POLD2: variants seen among roughly 807,000 people sequenced by gnomAD.
The protein encoded by POLD2 is DNA polymerase delta 2, accessory subunit.
A neutral mutation model predicts 48.8 loss-of-function variants in POLD2; 31 were observed. That is an observed-to-expected ratio of 0.64 (90% CI 0.48 to 0.86). The LOEUF (loss-of-function observed/expected upper bound fraction) is 0.86. Among genes scored for constraint, POLD2 ranks in the 40% least tolerant of loss-of-function variants. POLD2 has a pLI of 0.00. For synonymous variants in POLD2, 233 were observed against 256.3 expected, an observed-to-expected ratio of 0.91 and a Z score of 0.87; for missense variants, 455 against 610.1, an observed-to-expected ratio of 0.75 and a Z score of 2.68.
Position 44,116,683 on chromosome 7 carries a change from C to G in POLD2, c.780+134G>C. ...ATGAGGAGCCCCATTGCAGGAGGCC[C>G]CAGAGTCACTGCAGGGCGCTTCCCA... On this transcript the variant is annotated intron_variant, in intron 6 of 10. Transcript: ENST00000610533. The surrounding 1 kb of genome is among the most constrained non-coding windows in gnomAD (Gnocchi z 6.1). 1 of 1,062,274 alleles carries G rather than the reference C, an allele frequency of 9.4e-7. No homozygotes were observed. Among genetic ancestry groups the G allele is most frequent in the South Asian group, 1.5e-5 (1 of 68,298 alleles). The allele number at this position is 1,062,274 out of a possible 1,614,324, so 65.8% of individuals were successfully genotyped here.
rs376080178 is a variant in POLD2 at position 44,114,867 on chromosome 7, C to T, written c.1328G>A (p.Arg443His). ...ATQTACLVNL[R>H]SLACQPISFS... is the part of the protein sequence containing the mutation. ...GCTGATGGGCTGGCAGGCCAGGCTG[C>T]GCAGGTTCACAAGGCAGGCGGTCTG... Residue 443 changes from arginine to histidine, a missense_variant, in exon 11 of 11, where the codon CGC becomes CAC. Coordinates refer to ENST00000610533, the MANE Select transcript of POLD2 (RefSeq NM_006230.4). 4.8e-5 allele frequency: 77 copies of T among 1,613,692 alleles called. 1 individual carries two copies. The highest frequency in any genetic ancestry group is 1.3e-4 in the South Asian group (12 of 91,060).
Position 44,123,536 on chromosome 7 carries a change from TC to T in POLD2, c.-83del. On this transcript the variant is annotated 5_prime_UTR_variant, in exon 1 of 11. Coordinates refer to ENST00000610533, the MANE Select transcript of POLD2 (RefSeq NM_006230.4). Reference sequence around the variant, plus strand: ...CGCGCGGCGCGCCGCATCCCGCCAATCCCCGCGCGCCTGCCCCGCCCATCGC... The same window carrying T: ...CGCGCGGCGCGCCGCATCCCGCCAATCCCGCGCGCCTGCCCCGCCCATCGC... 10 of 1,486,466 alleles carry T rather than the reference TC, an allele frequency of 6.7e-6. No individual in the cohort carries two copies. Among genetic ancestry groups the T allele is most frequent in the Non-Finnish European group, 8.0e-6 (9 of 1,126,372 alleles). 92.1% of individuals were successfully genotyped at this position (1,486,466 alleles called of 1,614,324 possible).
At chr7:44,118,127 A>G in intron 2 of POLD2, 63 bp from the exon 3 acceptor site, 3 of 1,591,832 alleles carry the variant, frequency 1.9e-6, no homozygotes, top group Non-Finnish European at 1.7e-6. Flanking sequence ...GAGGCCATGG[A>G]GGCCCTGCCC....
chr7:44,122,474 G>C, intron 1 of POLD2: 1 of 1,028,318 alleles, frequency 9.7e-7, no homozygotes, highest in Non-Finnish European at 1.2e-6. Context: ...CTCATTTCCA[G>C]ACAAGAGGTC....
chr7:44,116,066 T>C lies in POLD2; in HGVS notation c.1019+49A>G, dbSNP rs772701245. The C allele has an allele frequency of 1.6e-5, 25 of 1,610,802 alleles. No individual in the cohort carries two copies. Among genetic ancestry groups the C allele is most frequent in the Non-Finnish European group, 2.0e-5 (24 of 1,177,918 alleles). On this transcript the variant is annotated intron_variant, in intron 8 of 10. Coordinates refer to ENST00000610533, the MANE Select transcript of POLD2 (RefSeq NM_006230.4). The surrounding 1 kb of genome is among the most constrained non-coding windows in gnomAD (Gnocchi z 6.1). ...CTCCCTCCCCTCCCTTCTTTGTGCC[T>C]CCTGAGGCAAAAGGCTGGGTCAGAC...
chr7:44,116,013 C>T lies in POLD2; in HGVS notation c.1019+102G>A. ...GAGAAGGAACAGATGCTAGGTGGGCCTCTGCAGCCCTGCCACCTTCCTGGG... is the reference window on the plus strand; with the variant it reads ...GAGAAGGAACAGATGCTAGGTGGGCTTCTGCAGCCCTGCCACCTTCCTGGG... On this transcript the variant is annotated intron_variant, in intron 8 of 10. Coordinates refer to ENST00000610533, the MANE Select transcript of POLD2 (RefSeq NM_006230.4). The surrounding 1 kb of genome is among the most constrained non-coding windows in gnomAD (Gnocchi z 6.1). 6.3e-7 allele frequency: 1 copy of T among 1,592,464 alleles called. No individual in the cohort carries two copies. Among genetic ancestry groups the T allele is most frequent in the Non-Finnish European group, 8.6e-7 (1 of 1,163,196 alleles).
rs1304397265 is a variant in POLD2, at chr7:44,122,057, C to T, written c.-4G>A. 4 of 1,612,518 alleles carry T rather than the reference C, an allele frequency of 2.5e-6. No individual in the cohort carries two copies. The highest frequency in any genetic ancestry group is 3.4e-6 in the Non-Finnish European group (4 of 1,179,928). On this transcript the variant is annotated 5_prime_UTR_variant, in exon 2 of 11. Coordinates refer to ENST00000610533, the MANE Select transcript of POLD2 (RefSeq NM_006230.4). ...GGGCAGCCTGCTCAGAAAACATGGC[C>T]ACACTCCTGACTTGCTTGGTCCACA...
At chr7:44,119,244 G>C (rs558301105) in intron 2 of POLD2, among the ~76,000 whole-genome samples, 2 of 152,198 alleles carry the variant, frequency 1.3e-5, no homozygotes, top group Non-Finnish European at 2.9e-5. Context: ...AATCAGTGAG[G>C]GCAGGAGGGA....
chr7:44,120,976 G>A (rs1170411905), intron 2 of POLD2, among the ~76,000 whole-genome samples: 1 of 152,140 alleles, frequency 6.6e-6, no homozygotes, highest in East Asian at 1.9e-4. Flanking sequence ...ATTGATCTTG[G>A]CTTGGCATGG....
chr7:44,115,805 G>T lies in POLD2; in HGVS notation c.1108C>A (p.Arg370=). Residue 370 remains arginine, a synonymous_variant, in exon 9 of 11, where the codon CGG becomes AGG. Coordinates refer to ENST00000610533, the MANE Select transcript of POLD2 (RefSeq NM_006230.4). ...DHLEILEWTL[R]VRHISPTAPD... is the part of the protein sequence containing the mutation. Reference sequence around the variant, plus strand: ...GCTGTGGGGCTGATGTGACGGACCCGCAGGGTCCACTCCAGGATCTCCAAG... The same window carrying T: ...GCTGTGGGGCTGATGTGACGGACCCTCAGGGTCCACTCCAGGATCTCCAAG... The T allele has an allele frequency of 1.9e-6, 3 of 1,613,870 alleles. No homozygotes were observed. In the South Asian group the frequency reaches 3.3e-5, roughly 18 times the overall value.
rs2128812939 is a variant in POLD2 at position 44,122,121 on chromosome 7, C to T, written c.-56-12G>A. ...GCCAAGGAGGTTCACTGCGAAAACA[C>T]AAAGGCATTCCTGCTGCCCCTGTCC... On this transcript the variant is annotated splice_polypyrimidine_tract_variant and intron_variant, in intron 1 of 10. Transcript: ENST00000610533. 1 of 1,568,432 alleles carries T rather than the reference C, an allele frequency of 6.4e-7. No homozygotes were observed. Among genetic ancestry groups the T allele is most frequent in the Admixed American group, 1.8e-5 (1 of 55,532 alleles).
intron 8 of POLD2, 31 bp from the exon 9 acceptor site, chr7:44,115,924 T>G: frequency 6.2e-7 from 1 of 1,614,142 alleles, no homozygotes; most frequent in Non-Finnish European, 8.5e-7. Flanking sequence ...GACTCTTGGC[T>G]TTGGGTGCCA....
In POLD2 at chr7:44,117,606, T is replaced by C. The variant is rs41279618; in HGVS notation, c.466+13A>G. The stretch of plus-strand genomic sequence containing the variant: ...CACCTGCATCACCCACATCCTCTCA[T>C]TGGGCTCCCTACCCGTAACCAGCTT... On this transcript the variant is annotated intron_variant, in intron 4 of 10. Coordinates refer to ENST00000610533, the MANE Select transcript of POLD2 (RefSeq NM_006230.4). The C allele has an allele frequency of 1.1e-5, 18 of 1,595,934 alleles. No homozygotes were observed. The highest frequency in any genetic ancestry group is 9.4e-5 in the African/African-American group (7 of 74,582).
intron 1 of POLD2, chr7:44,122,534 A>G (rs1370773511): frequency 3.4e-6 from 3 of 876,290 alleles, no homozygotes; most frequent in African/African-American, 1.8e-5. Flanking sequence ...TTATTAAATA[A>G]TAATAGAACT....
chr7:44,115,732 C>T, intron 9 of POLD2, 34 bp downstream of exon 9: 1 of 1,608,688 alleles, frequency 6.2e-7, no homozygotes, highest in Non-Finnish European at 8.5e-7. Context: ...CCTCCTGGCC[C>T]TCTGCTCCCA....
At chr7:44,122,434 TCTG>T in intron 1 of POLD2, 1 of 1,073,112 alleles carries the variant, frequency 9.3e-7, no homozygotes, top group African/African-American at 1.7e-5. Flanking sequence ...GAATTCCCGA[TCTG>T]CCTCCATCCA....
chr7:44,115,581 G>T, intron 9 of POLD2, 185 bp from the exon 10 acceptor site: 1 of 761,854 alleles, frequency 1.3e-6, no homozygotes, highest in Non-Finnish European at 2.1e-6. Flanking sequence ...GGGGTGGGCA[G>T]CCATTGGCCT....
At position 44,117,924 on chromosome 7, in the gene POLD2, G is replaced by C; in HGVS notation, c.342+19C>G. The C allele has an allele frequency of 6.2e-7, 1 of 1,613,008 alleles. No homozygotes were observed. The highest frequency in any genetic ancestry group is 8.5e-7 in the Non-Finnish European group (1 of 1,179,508). On this transcript the variant is annotated intron_variant, in intron 3 of 10. Transcript: ENST00000610533. Reference sequence around the variant, plus strand: ...GCCAGGTCTGCCTGGCGGCCCCACTGTGTAGCACCCTGCCTCACCTCCTCG... The same window carrying C: ...GCCAGGTCTGCCTGGCGGCCCCACTCTGTAGCACCCTGCCTCACCTCCTCG...
rs2096243080 is a variant in POLD2, at chr7:44,118,064, C to T, written c.221G>A (p.Gly74Asp). The change falls in exon 3 of 11, where the codon GGC becomes GAC. Residue 74 changes from glycine (G) to aspartate (D), a missense_variant and splice_region_variant. Coordinates refer to ENST00000610533, the MANE Select transcript of POLD2 (RefSeq NM_006230.4). ...FLENRAQQHW[G>D]SGVGVKKLCE... is the part of the protein sequence containing the mutation. ...CAGCTTCTTCACTCCCACTCCACTG[C>T]CTGGGACACGAGGGGTACAGACTCA... is the stretch of plus-strand genomic sequence containing the variant. 6.2e-7 allele frequency: 1 copy of T among 1,613,976 alleles called. No individual in the cohort carries two copies. Among genetic ancestry groups the T allele is most frequent in the Non-Finnish European group, 8.5e-7 (1 of 1,179,960 alleles).
Sources: allele counts gnomAD v4.1 joint callset (sites outside exome capture counted in the v4.1 genomes callset), GRCh38; gene constraint gnomAD v4.1.1; non-coding constraint Gnocchi (gnomAD v3.1); transcripts MANE v1.5; gene names NCBI Gene and HGNC (gene_info 2026-07-23, HGNC 2026-07-21).